SYNE2: variants seen among roughly 807,000 people sequenced by gnomAD.
The protein encoded by SYNE2 is nesprin-2.
A neutral mutation model predicts 856.3 loss-of-function variants in SYNE2; 431 were observed. The ratio of observed to expected loss-of-function variants is 0.50; its 90% confidence interval spans 0.47 to 0.55. The LOEUF (loss-of-function observed/expected upper bound fraction) is 0.55, where lower values mean the gene tolerates loss of function less well. SYNE2 is among the 20% of genes least tolerant of loss of function. The pLI is 0.00. For synonymous variants in SYNE2, 2,923 were observed against 2,872.3 expected (o/e 1.02, Z -0.56); for missense variants, 8,129 against 8,023.2 (o/e 1.01, Z -0.50).
In SYNE2 at chr14:64,118,195, A is replaced by G. The variant is rs540227544; in HGVS notation, c.12841-1232A>G. Among the ~76,000 whole-genome samples the G allele has an allele frequency of 2.6e-5, 4 of 152,078 alleles. No individual in the cohort carries two copies. In the South Asian group the frequency reaches 8.3e-4, roughly 32 times the overall value. ...TAGTCACGCACCGAGTTTTAGTACAAATGATCATGGTGCTGGAATGTGAGT... is the reference window on the plus strand; with the variant it reads ...TAGTCACGCACCGAGTTTTAGTACAGATGATCATGGTGCTGGAATGTGAGT... On this transcript the variant is annotated intron_variant, in intron 66 of 115. Coordinates refer to ENST00000555002, the MANE Select transcript of SYNE2 (RefSeq NM_182914.3).
chr14:63,800,337 C>A (rs1888085502), intron 1 of SYNE2, among the ~76,000 whole-genome samples: 1 of 152,172 alleles, frequency 6.6e-6, no homozygotes, highest in Admixed American at 6.5e-5. Context: ...TCTTCAGCCT[C>A]AGCCTCCTGA....
At chr14:63,775,343 C>T (rs967661052) in intron 1 of SYNE2, among the ~76,000 whole-genome samples, 2 of 151,106 alleles carry the variant, frequency 1.3e-5, no homozygotes, top group South Asian at 4.2e-4. Context: ...GGTGTGATCT[C>T]GGCTCACTGC....
chr14:63,973,011 T>G (rs1046154895), intron 11 of SYNE2, among the ~76,000 whole-genome samples: 3 of 152,120 alleles, frequency 2.0e-5, no homozygotes, highest in African/African-American at 7.2e-5. Context: ...TCCCAGCACT[T>G]TGGGAGGCTG....
rs755262410 is a variant in SYNE2, at chr14:64,051,798, A to C, written c.7885A>C (p.Thr2629Pro). The C allele has an allele frequency of 1.2e-6, 2 of 1,614,198 alleles. No homozygotes were observed. Among genetic ancestry groups the C allele is most frequent in the Non-Finnish European group, 8.5e-7 (1 of 1,180,028 alleles). Residue 2629 changes from threonine to proline, a missense_variant, in exon 48 of 116, where the codon ACA becomes CCA. Physicochemically the swap from Thr to Pro is conservative, Grantham distance 38 (BLOSUM62 -1). Around this residue, in one of 3 missense-constraint regions of SYNE2, gnomAD observed 5,410 missense variants for 5,284.8 expected, o/e 1.02. Coordinates refer to ENST00000555002, the MANE Select transcript of SYNE2 (RefSeq NM_182914.3). ...GCAGGTAGTGGAATATGATGAATTT[A>C]CAACCCTCATGAATAAGGTACAGGA... ...SQQVVEYDEF[T>P]TLMNKVQDTE... is the part of the protein sequence containing the mutation.
chr14:64,154,890 G>T (rs1355322151), intron 85 of SYNE2, among the ~76,000 whole-genome samples: 1 of 151,614 alleles, frequency 6.6e-6, no homozygotes, highest in African/African-American at 2.4e-5. Flanking sequence ...GATATTCCAT[G>T]TCATTAACCA....
chr14:64,031,699 A>T (rs1026288226), intron 45 of SYNE2, among the ~76,000 whole-genome samples: 1 of 152,240 alleles, frequency 6.6e-6, no homozygotes, highest in African/African-American at 2.4e-5. Flanking sequence ...TCAGGAAAAA[A>T]ATCCAAGATC....
chr14:64,051,981 A>T lies in SYNE2; in HGVS notation c.8068A>T (p.Met2690Leu), dbSNP rs771572283. ...SVLKGQAELQ[M>L]KRIWGEKEKK... Reference sequence around the variant, plus strand: ...TTTAAAGGGGCAAGCTGAACTTCAGATGAAGAGGATTTGGGGAGAAAAAGA... The same window carrying T: ...TTTAAAGGGGCAAGCTGAACTTCAGTTGAAGAGGATTTGGGGAGAAAAAGA... The change falls in exon 48 of 116, where the codon ATG becomes TTG. Residue 2690 changes from methionine to leucine, a missense_variant. Physicochemically the swap from Met to Leu is conservative, Grantham distance 15 (BLOSUM62 2). This residue lies in a region of SYNE2 where 5,410 missense variants were observed against 5,284.8 expected (regional missense o/e 1.02). Transcript: ENST00000555002. 9.9e-6 allele frequency: 16 copies of T among 1,613,916 alleles called. No individual in the cohort carries two copies. In the South Asian group the frequency reaches 1.8e-4, roughly 18 times the overall value.
At chr14:63,842,411 C>G (rs1241288213) in intron 1 of SYNE2, among the ~76,000 whole-genome samples, 1 of 151,822 alleles carries the variant, frequency 6.6e-6, no homozygotes, top group African/African-American at 2.4e-5. Flanking sequence ...CTCAGCCTCC[C>G]AAAGTGCTGG....
chr14:64,115,102 T>C (rs1595616664), intron 66 of SYNE2, among the ~76,000 whole-genome samples: 1 of 152,148 alleles, frequency 6.6e-6, no homozygotes, highest in Non-Finnish European at 1.5e-5. Context: ...CCATTCAGGA[T>C]TGATTTGCCA....
At chr14:63,960,740 C>A (rs2096301357) in intron 8 of SYNE2, 3 of 763,780 alleles carry the variant, frequency 3.9e-6, no homozygotes, top group Non-Finnish European at 4.8e-6. Flanking sequence ...TATTAGATGC[C>A]TGGAGAAGTT....
At chr14:63,851,376 G>A (rs1890440547), upstream of SYNE2, among the ~76,000 whole-genome samples, 1 of 151,870 alleles carries the variant, frequency 6.6e-6, no homozygotes, top group Non-Finnish European at 1.5e-5. Context: ...ACAAACGAAC[G>A]AACAAACAAA....
chr14:64,052,581 G>A lies in SYNE2; in HGVS notation c.8668G>A (p.Gly2890Arg). The change falls in exon 48 of 116, where the codon GGA becomes AGA. Residue 2890 changes from glycine (G) to arginine (R), a missense_variant. By Grantham distance (125) the Gly-to-Arg change is moderately radical (BLOSUM62 -2). Coordinates refer to ENST00000555002, the MANE Select transcript of SYNE2 (RefSeq NM_182914.3). ...SQKELQEIDS[G>R]ISTHLQELTN... ...GAAGGAATTGCAAGAAATTGACAGT[G>A]GAATCTCAACACATCTTCAGGAGCT... is the stretch of plus-strand genomic sequence containing the variant. The A allele has an allele frequency of 6.2e-7, 1 of 1,614,102 alleles. No individual in the cohort carries two copies. The highest frequency in any genetic ancestry group is 8.5e-7 in the Non-Finnish European group (1 of 1,180,036).
intron 32 of SYNE2, among the ~76,000 whole-genome samples, chr14:64,010,706 A>T (rs1171002048): frequency 6.6e-6 from 1 of 152,226 alleles, no homozygotes; most frequent in Non-Finnish European, 1.5e-5. Context: ...ACTCTACACC[A>T]GAAAGTTTCT....
intron 9 of SYNE2, 86 bp downstream of exon 9, chr14:63,961,711 A>G (rs2096316761): frequency 1.0e-6 from 1 of 957,000 alleles, no homozygotes; most frequent in South Asian, 1.4e-5. Context: ...TAATTTGCAT[A>G]CAGAACTTAA....
chr14:63,842,332 A>C (rs1401430266), intron 1 of SYNE2, among the ~76,000 whole-genome samples: 6 of 150,798 alleles, frequency 4.0e-5, no homozygotes, highest in African/African-American at 1.5e-4. Flanking sequence ...TTGTATTTTT[A>C]GTAGAGACAG....
intron 1 of SYNE2, among the ~76,000 whole-genome samples, chr14:63,810,216 C>G (rs1283366686): frequency 6.8e-6 from 1 of 146,668 alleles, no homozygotes. Flanking sequence ...GAGTAAGACT[C>G]TTTCTCAAAA....
rs1340081493 is a variant in SYNE2, at chr14:64,201,975, A to G, written c.18039-826A>G. Among the ~76,000 whole-genome samples, 3 of 152,198 alleles carry G rather than the reference A, an allele frequency of 2.0e-5. No individual in the cohort carries two copies. In the East Asian group the frequency reaches 5.8e-4, roughly 29 times the overall value. ...ATTGGAGCATTTTATTTTAGTATAT[A>G]TGTCAGAAAAAGATTGTTTTCCCCC... is the stretch of plus-strand genomic sequence containing the variant. On this transcript the variant is annotated intron_variant, in intron 99 of 115. Coordinates refer to ENST00000555002, the MANE Select transcript of SYNE2 (RefSeq NM_182914.3).
At chr14:64,191,523 A>G (rs1044191461) in intron 99 of SYNE2, among the ~76,000 whole-genome samples, 4 of 152,210 alleles carry the variant, frequency 2.6e-5, no homozygotes, top group Non-Finnish European at 4.4e-5. Context: ...AGAATAGAGC[A>G]GCATCGAAGC....
chr14:64,155,160 TTATACGTGAA>T (rs1312351923), intron 85 of SYNE2, among the ~76,000 whole-genome samples: 5 of 152,154 alleles, frequency 3.3e-5, no homozygotes, highest in African/African-American at 1.2e-4. Context: ...CGCCAAAAAC[TTATACGTGAA>T]TATTCATAGC....
Sources: allele counts gnomAD v4.1 joint callset (sites outside exome capture counted in the v4.1 genomes callset), GRCh38; gene constraint gnomAD v4.1.1; regional missense constraint gnomAD v4.1.1; transcripts MANE v1.5; gene names NCBI Gene and HGNC (gene_info 2026-07-23, HGNC 2026-07-21).